Variants in WDR86 observed in about 807,000 individuals in gnomAD.
WDR86 encodes the protein WD repeat domain 86.
In WDR86, 30 loss-of-function variants were observed where a neutral mutation model predicts 36.5. That is an observed-to-expected ratio of 0.82 (90% CI 0.61 to 1.11). The LOEUF is 1.11. Ranked by LOEUF, WDR86 falls within the 50% of genes most tolerant of loss-of-function variation. The pLI is 0.00. For missense variants in WDR86, 545 were observed against 561.2 expected (o/e 0.97, Z 0.29); for synonymous variants, 255 against 252.9 (o/e 1.01, Z -0.08).
At chr7:151,397,559 G>C (rs918922060) in intron 2 of WDR86, among the ~76,000 whole-genome samples, 13 of 152,126 alleles carry the variant, frequency 8.5e-5, no homozygotes, top group African/African-American at 2.9e-4. Flanking sequence ...GAGTAGCTGG[G>C]ATTACGTGTA....
chr7:151,377,336 G>A, downstream of WDR86: 1 of 773,474 alleles, frequency 1.3e-6, no homozygotes. Context: ...GTCCTCTTTG[G>A]GTGTAGGAGG....
At chr7:151,379,196 G>A (rs923370109), downstream of WDR86, among the ~76,000 whole-genome samples, 3 of 152,232 alleles carry the variant, frequency 2.0e-5, no homozygotes, top group South Asian at 2.1e-4. Context: ...CAGAAGGTGC[G>A]GGTTGTGGGG....
intron 1 of WDR86, among the ~76,000 whole-genome samples, chr7:151,402,070 A>AATATATATATATATATATATAT (rs748373598): frequency 9.9e-4 from 50 of 50,470 alleles, no homozygotes; most frequent in African/African-American, 2.6e-3. Flanking sequence ...AAAAAAAAAA[A>AATATATATATATATATATATAT]ATATATATAT....
intron 4 of WDR86, among the ~76,000 whole-genome samples, chr7:151,383,712 A>C (rs1798776922): frequency 6.6e-6 from 1 of 151,972 alleles, no homozygotes; most frequent in South Asian, 2.1e-4. Context: ...CCTTCCCCCC[A>C]CAAACTCAGA....
In WDR86 at chr7:151,396,531, G is replaced by A. The variant is rs902683825; in HGVS notation, c.306-335C>T. Among the ~76,000 whole-genome samples, 108 of 152,100 alleles carry A rather than the reference G, an allele frequency of 7.1e-4. 3 individuals carry two copies. The highest frequency in any genetic ancestry group is 6.7e-3 in the Admixed American group (103 of 15,290). On this transcript the variant is annotated intron_variant, in intron 2 of 5. Transcript: ENST00000334493. ...ATGGGGGAGGAGGTAGGGGAGCAGC[G>A]GGAAGCGGGTGGGGGGGAAGGTAGG...
downstream of WDR86, chr7:151,377,091 G>A (rs200003925): frequency 2.2e-4 from 342 of 1,579,638 alleles, 1 homozygote; most frequent in Middle Eastern, 8.3e-4. Context: ...GACAGAGGCC[G>A]TCAATGAGAT....
intron 3 of WDR86, among the ~76,000 whole-genome samples, chr7:151,391,631 G>A (rs61649669): frequency 6.6e-6 from 1 of 152,114 alleles, no homozygotes. Flanking sequence ...GTGGGAAAAG[G>A]TGCCTTCCCC....
chr7:151,374,408 G>GCGTGAGGCCA (rs1356519474), downstream of WDR86: 6 of 931,256 alleles, frequency 6.4e-6, no homozygotes, highest in Admixed American at 8.2e-5. Context: ...GACACAGGCT[G>GCGTGAGGCCA]CGTGAGGCCA....
At chr7:151,389,711 C>T (rs1558164) in intron 3 of WDR86, among the ~76,000 whole-genome samples, 64,569 of 151,970 alleles carry the variant, frequency 0.42, 15,610 homozygotes, top group Non-Finnish European at 0.55. Flanking sequence ...GTGCACCCAC[C>T]AGGCCTGTAC....
downstream of WDR86, chr7:151,375,738 A>T (rs1017476136): frequency 2.0e-5 from 14 of 715,746 alleles, no homozygotes; most frequent in African/African-American, 2.3e-4. Flanking sequence ...TCTCTGCCTC[A>T]TAGCAGCAGA....
intron 3 of WDR86, among the ~76,000 whole-genome samples, chr7:151,392,900 G>A (rs1045718542): frequency 5.6e-4 from 85 of 152,162 alleles, no homozygotes; most frequent in African/African-American, 2.0e-3. Flanking sequence ...CGTCTCCAGA[G>A]CCCCCCATTC....
Position 151,381,828 on chromosome 7 carries a change from G to C in WDR86, c.966+50C>G. ...GCCCGCGTGGATGGATCGGGGCGGG[G>C]CACCTTCCCTCCCACGGGCGGCGGC... On this transcript the variant is annotated intron_variant, in intron 5 of 5. Coordinates refer to ENST00000334493, the MANE Select transcript of WDR86 (RefSeq NM_198285.3). This position sits in a 1 kb window ranked among gnomAD's most constrained non-coding sequence, Gnocchi z 4.8. The C allele has an allele frequency of 3.2e-6, 5 of 1,554,320 alleles. No individual in the cohort carries two copies. Among genetic ancestry groups the C allele is most frequent in the East Asian group, 2.4e-5 (1 of 41,586 alleles).
intron 3 of WDR86, among the ~76,000 whole-genome samples, chr7:151,392,434 G>A (rs1177052512): frequency 5.9e-5 from 9 of 152,176 alleles, no homozygotes; most frequent in African/African-American, 2.2e-4. Context: ...GGGGTAAAAT[G>A]GACCCTGCCC....
At chr7:151,387,624 G>A (rs1422411956) in intron 3 of WDR86, among the ~76,000 whole-genome samples, 2 of 152,202 alleles carry the variant, frequency 1.3e-5, no homozygotes, top group Non-Finnish European at 2.9e-5. Flanking sequence ...GAGAGGCACC[G>A]GCCCGGGGCT....
At chr7:151,376,424 C>T, downstream of WDR86, 1 of 558,446 alleles carries the variant, frequency 1.8e-6, no homozygotes, top group East Asian at 2.9e-5. Context: ...GAGATGGCTG[C>T]TCCCTGACGC....
chr7:151,395,838 T>C lies in WDR86; in HGVS notation c.664A>G (p.Ile222Val). Reference protein sequence around the residue: ...STDATIRAWDILSGEQLRVFR... With the variant: ...STDATIRAWDVLSGEQLRVFR... Reference sequence around the variant, plus strand: ...ACCCGCAGCTGCTCCCCACTCAGGATGTCCCAGGCACGGATGGTGGCGTCG... The same window carrying C: ...ACCCGCAGCTGCTCCCCACTCAGGACGTCCCAGGCACGGATGGTGGCGTCG... Residue 222 changes from isoleucine to valine, a missense_variant, in exon 3 of 6, where the codon ATC (isoleucine) becomes GTC (valine). By Grantham distance (29) the Ile-to-Val change is conservative. Transcript: ENST00000334493. 1 of 1,584,618 alleles carries C rather than the reference T, an allele frequency of 6.3e-7. No individual in the cohort carries two copies. Among genetic ancestry groups the C allele is most frequent in the South Asian group, 1.2e-5 (1 of 86,600 alleles).
rs1360015812 is a variant in WDR86 at position 151,381,568 on chromosome 7, G to T, written c.*14C>A. 2.2e-6 allele frequency: 3 copies of T among 1,371,234 alleles called. No homozygotes were observed. The highest frequency in any genetic ancestry group is 2.8e-6 in the Non-Finnish European group (3 of 1,072,354). The allele number at this position is 1,371,234 out of a possible 1,614,324, so 84.9% of individuals were successfully genotyped here. A position where few individuals can be genotyped will look rare whatever the true frequency, so the allele number is the denominator to read the frequency against. ...CTGGGTGTCTGGGCTGGCGTCTGCA[G>T]GGGCCCCGCGGGATCAGGCCGGCTG... is the stretch of plus-strand genomic sequence containing the variant. On this transcript the variant is annotated 3_prime_UTR_variant, in exon 6 of 6. Transcript: ENST00000334493. This position sits in a 1 kb window ranked among gnomAD's most constrained non-coding sequence, Gnocchi z 4.8.
At position 151,406,084 on chromosome 7, in the gene WDR86, A is replaced by G. The variant is rs866421544; in HGVS notation, c.163+3343T>C. Among the ~76,000 whole-genome samples the G allele has an allele frequency of 5.9e-5, 9 of 152,330 alleles. No homozygotes were observed. Among genetic ancestry groups the G allele is most frequent in the South Asian group, 4.1e-4 (2 of 4,830 alleles). On this transcript the variant is annotated intron_variant, in intron 1 of 5. Coordinates refer to ENST00000334493, the MANE Select transcript of WDR86 (RefSeq NM_198285.3). This position sits in a 1 kb window ranked among gnomAD's most constrained non-coding sequence, Gnocchi z 4.4. ...AGTGGCAAGTAATTCTTCTCTTTGC[A>G]GAGTAATTGCAATGAAGCCTTTTTC... is the stretch of plus-strand genomic sequence containing the variant.
At chr7:151,395,148 T>C (rs1361784824) in intron 3 of WDR86, among the ~76,000 whole-genome samples, 1 of 152,202 alleles carries the variant, frequency 6.6e-6, no homozygotes, top group East Asian at 1.9e-4. Flanking sequence ...GCTTATAGCA[T>C]GATGGGCCAC....
Sources: allele counts gnomAD v4.1 joint callset (sites outside exome capture counted in the v4.1 genomes callset), GRCh38; gene constraint gnomAD v4.1.1; non-coding constraint Gnocchi (gnomAD v3.1); transcripts MANE v1.5; gene names NCBI Gene and HGNC (gene_info 2026-07-23, HGNC 2026-07-21).